PLEKHG5: variants seen among roughly 807,000 people sequenced by gnomAD.
The protein encoded by PLEKHG5 is pleckstrin homology and RhoGEF domain containing G5, also known as pleckstrin homology domain-containing family G member 5.
In PLEKHG5, 52 loss-of-function variants were observed where a neutral mutation model predicts 103.8. The ratio of observed to expected loss-of-function variants is 0.50; its 90% CI spans 0.40 to 0.63. The LOEUF is 0.63. Among genes scored for constraint, PLEKHG5 ranks in the 30% least tolerant of loss-of-function variants. The probability of loss-of-function intolerance (pLI) is 0.00; values close to 1 mark genes in which losing one functional copy is unlikely to be tolerated. For synonymous variants in PLEKHG5, 592 were observed against 575.5 expected (o/e 1.03, Z -0.41); for missense variants, 1,205 against 1,347.6 (o/e 0.89, Z 1.66).
At chr1:6,519,710 G>A in exon 1 of PLEKHG5, 1 of 627,826 alleles carries the variant, frequency 1.6e-6, no homozygotes, top group Non-Finnish European at 2.8e-6. Context: ...GGCGCTCTCA[G>A]CCCTGCCAAT....
upstream of PLEKHG5, chr1:6,497,020 C>G: frequency 6.6e-7 from 1 of 1,523,676 alleles, no homozygotes; most frequent in East Asian, 2.5e-5. The surrounding 1 kb of genome is among the most constrained non-coding windows in gnomAD (Gnocchi z 6.1). Context: ...ACCCCCGTTC[C>G]CCAAGACTCA....
intron 4 of PLEKHG5, 58 bp downstream of exon 4, chr1:6,475,403 TC>T: frequency 5.4e-6 from 8 of 1,476,106 alleles, no homozygotes; most frequent in Non-Finnish European, 7.6e-6. Flanking sequence ...AGGCCCAGGC[TC>T]GGGGAAGGGC....
chr1:6,507,694 C>T (rs527939566), intron 1 of PLEKHG5, among the ~76,000 whole-genome samples: 8 of 152,192 alleles, frequency 5.3e-5, no homozygotes, highest in East Asian at 3.9e-4. Flanking sequence ...GCAGCCTGCA[C>T]GCCCCCAGCT....
At position 6,469,149 on chromosome 1, in the gene PLEKHG5, T is replaced by A. The variant is rs750902394; in HGVS notation, c.2142A>T (p.Glu714Asp). Residue 714 changes from glutamate to aspartate, a missense_variant, in exon 19 of 21, where the codon GAA (glutamate) becomes GAT (aspartate). Glu to Asp is a conservative substitution (Grantham distance 45). Coordinates refer to ENST00000377728, the MANE Select transcript of PLEKHG5 (RefSeq NM_020631.6). ...LEEEEDEQEE[E>D]EEEEEEEEEG... The stretch of plus-strand genomic sequence containing the variant: ...CCTCCTCCTCCTCCTCCTCCTCCTC[T>A]TCCTCCTCCTGCTCATCCTCCTCCT... The A allele has an allele frequency of 6.3e-7, 1 of 1,598,152 alleles. No individual in the cohort carries two copies. The highest frequency in any genetic ancestry group is 1.7e-4 in the Middle Eastern group (1 of 5,994).
intron 1 of PLEKHG5, among the ~76,000 whole-genome samples, chr1:6,515,617 A>G (rs72861567): frequency 0.045 from 6,820 of 152,120 alleles, 456 homozygotes; most frequent in African/African-American, 0.14. Flanking sequence ...ATTTGAGGCC[A>G]GGAGTTGAAA....
chr1:6,497,049 G>C, upstream of PLEKHG5: 1 of 1,500,754 alleles, frequency 6.7e-7, no homozygotes, highest in Non-Finnish European at 8.8e-7. The surrounding 1 kb of genome is among the most constrained non-coding windows in gnomAD (Gnocchi z 6.1). Flanking sequence ...CCTGAATTTG[G>C]CCCCCTCCAA....
At position 6,488,666 on chromosome 1, in the gene PLEKHG5, T is replaced by C. The variant is rs939096024; in HGVS notation, c.-88+2971A>G. Among the ~76,000 whole-genome samples the C allele has an allele frequency of 2.0e-5, 3 of 152,016 alleles. No homozygotes were observed. In the East Asian group the frequency reaches 5.8e-4, roughly 29 times the overall value. On this transcript the variant is annotated intron_variant, in intron 1 of 20. Coordinates refer to ENST00000377728, the MANE Select transcript of PLEKHG5 (RefSeq NM_020631.6). Reference sequence around the variant, plus strand: ...GCCCCCAGCCCCTGTACCAGGGCAGTGGGGTGGGCCTGGGCAGGCTCCTGC... The same window carrying C: ...GCCCCCAGCCCCTGTACCAGGGCAGCGGGGTGGGCCTGGGCAGGCTCCTGC...
intron 1 of PLEKHG5, among the ~76,000 whole-genome samples, chr1:6,489,278 C>T (rs1340159614): frequency 2.6e-5 from 4 of 152,180 alleles, no homozygotes; most frequent in Non-Finnish European, 4.4e-5. Context: ...CGGCTCTCTA[C>T]GCTCCACCCG....
chr1:6,518,053 C>A (rs2148641512), intron 1 of PLEKHG5, among the ~76,000 whole-genome samples: 1 of 152,106 alleles, frequency 6.6e-6, no homozygotes, highest in African/African-American at 2.4e-5. Context: ...CTGCCTCAGC[C>A]TCCCGAGTAG....
chr1:6,493,951 C>T (rs575344709), upstream of PLEKHG5, among the ~76,000 whole-genome samples: 89 of 150,514 alleles, frequency 5.9e-4, no homozygotes, highest in African/African-American at 2.1e-3. Context: ...TGAGCCCCTG[C>T]GCCTGGCCTG....
In PLEKHG5 at chr1:6,475,606, G is replaced by A. The variant is rs1569887504; in HGVS notation, c.150-84C>T. ...CGGCGAGTGGGCCTGTGGCCTCCCC[G>A]CCCTTGGCTCACCCCAGGTGACAGG... On this transcript the variant is annotated intron_variant, in intron 3 of 20. Coordinates refer to ENST00000377728, the MANE Select transcript of PLEKHG5 (RefSeq NM_020631.6). The A allele has an allele frequency of 2.8e-5, 33 of 1,190,248 alleles. No individual in the cohort carries two copies. The South Asian group carries it at 3.0e-4, about 11-fold the overall frequency. 73.7% of individuals were successfully genotyped at this position (1,190,248 alleles called of 1,614,324 possible).
intron 1 of PLEKHG5, among the ~76,000 whole-genome samples, chr1:6,511,685 G>C (rs1325171115): frequency 6.6e-6 from 1 of 152,268 alleles, no homozygotes; most frequent in Non-Finnish European, 1.5e-5. Flanking sequence ...AGGGCTCACA[G>C]AGCGAGGACT....
chr1:6,468,191 A>G lies in PLEKHG5; in HGVS notation c.2645T>C (p.Leu882Pro), dbSNP rs1644451993. 1 of 1,571,620 alleles carries G rather than the reference A, an allele frequency of 6.4e-7. No individual in the cohort carries two copies. The highest frequency in any genetic ancestry group is 8.6e-7 in the Non-Finnish European group (1 of 1,156,556). The change falls in exon 20 of 21, where the codon CTC becomes CCC. Residue 882 changes from leucine to proline, a missense_variant. Coordinates refer to ENST00000377728, the MANE Select transcript of PLEKHG5 (RefSeq NM_020631.6). ...HLLKSKSEAS[L>P]LQLLAGAGTH... is the part of the protein sequence containing the mutation. ...GCCAGCCCCTGCCAGCAGCTGGAGGAGGCTGGCCTCGGACTTAGACTTGAG... is the reference window on the plus strand; with the variant it reads ...GCCAGCCCCTGCCAGCAGCTGGAGGGGGCTGGCCTCGGACTTAGACTTGAG...
chr1:6,475,058 C>T lies in PLEKHG5; in HGVS notation c.291G>A (p.Lys97=), dbSNP rs776478887. ...IETEIVPAMK[K]KSLGEVLLPV... The stretch of plus-strand genomic sequence containing the variant: ...CCATCAAGCCCTACCCCAGTGACTT[C>T]TTCTTCATGGCTGGGACGATCTCTG... The change falls in exon 5 of 21, where the codon AAG becomes AAA. Residue 97 remains lysine (K), a synonymous_variant. Coordinates refer to ENST00000377728, the MANE Select transcript of PLEKHG5 (RefSeq NM_020631.6). 6.2e-7 allele frequency: 1 copy of T among 1,603,724 alleles called. No homozygotes were observed. Among genetic ancestry groups the T allele is most frequent in the South Asian group, 1.1e-5 (1 of 90,848 alleles).
At chr1:6,494,895 G>T (rs1016777440), upstream of PLEKHG5, among the ~76,000 whole-genome samples, 16 of 152,216 alleles carry the variant, frequency 1.1e-4, no homozygotes, top group Non-Finnish European at 2.2e-4. Flanking sequence ...TGTCAGCTGT[G>T]CCAAGTTCCA....
At chr1:6,518,167 T>C (rs1049797555) in intron 1 of PLEKHG5, among the ~76,000 whole-genome samples, 9 of 151,292 alleles carry the variant, frequency 5.9e-5, no homozygotes, top group South Asian at 2.1e-4. Flanking sequence ...CTCCTGACCT[T>C]GTGATCCGCC....
At chr1:6,471,401 G>A (rs1288086367) in intron 12 of PLEKHG5, 87 bp downstream of exon 12, 7 of 1,436,184 alleles carry the variant, frequency 4.9e-6, no homozygotes, top group Non-Finnish European at 6.6e-6. Flanking sequence ...GGTTGGGGAT[G>A]CTGGGCAGAC....
At chr1:6,474,383 G>A (rs1644694652) in intron 6 of PLEKHG5, 68 bp downstream of exon 6, 5 of 1,584,824 alleles carry the variant, frequency 3.2e-6, no homozygotes, top group Non-Finnish European at 4.3e-6. Flanking sequence ...CTGAGCCTGG[G>A]AAGGGCGCCC....
Position 6,471,888 on chromosome 1 carries a change from G to A in PLEKHG5, c.1081-80C>T, listed in dbSNP as rs564389917. The A allele has an allele frequency of 5.8e-6, 8 of 1,375,730 alleles. No homozygotes were observed. The East Asian group carries it at 1.5e-4, about 26-fold the overall frequency. The allele number at this position is 1,375,730 out of a possible 1,614,324, so 85.2% of individuals were successfully genotyped here. On this transcript the variant is annotated intron_variant, in intron 10 of 20. Transcript: ENST00000377728. ...GCCCCACCCAGCCTCAGGCTCCCCTGCCACTCCTTCCCCTTCCCCGTTCCA... is the reference window on the plus strand; with the variant it reads ...GCCCCACCCAGCCTCAGGCTCCCCTACCACTCCTTCCCCTTCCCCGTTCCA...
Sources: allele counts gnomAD v4.1 joint callset (sites outside exome capture counted in the v4.1 genomes callset), GRCh38; gene constraint gnomAD v4.1.1; non-coding constraint Gnocchi (gnomAD v3.1); transcripts MANE v1.5; gene names NCBI Gene and HGNC (gene_info 2026-07-23, HGNC 2026-07-21).